The following IFNAR1 variants were observed in gnomAD, a reference collection of about 807,000 sequenced individuals.
IFNAR1 encodes interferon alpha/beta receptor 1.
Under a neutral mutation model 62.1 loss-of-function variants are expected in IFNAR1, and 47 were observed. The ratio of observed to expected loss-of-function variants is 0.76; its 90% CI spans 0.60 to 0.97. The LOEUF is 0.97. IFNAR1 is among the 50% of genes least tolerant of loss of function. The pLI is 0.00. For missense variants in IFNAR1, 638 were observed against 654.5 expected (o/e 0.97, Z 0.27); for synonymous variants, 219 against 226.9 (o/e 0.97, Z 0.31).
At chr21:33,328,142 T>C (rs1341535244) in intron 1 of IFNAR1, among the ~76,000 whole-genome samples, 1 of 152,200 alleles carries the variant, frequency 6.6e-6, no homozygotes, top group African/African-American at 2.4e-5. Context: ...TGTTTGTTTT[T>C]AGCTCATCAG....
Position 33,325,034 on chromosome 21 carries a change from T to G in IFNAR1, c.-22T>G, listed in dbSNP as rs755934388. On this transcript the variant is annotated 5_prime_UTR_variant, in exon 1 of 11. Coordinates refer to ENST00000270139, the MANE Select transcript of IFNAR1 (RefSeq NM_000629.3). ...TGCGCGTGCGCGAACATGTAACTGG[T>G]GGGATCTGCGGCGGCTCCCAGATGA... is the stretch of plus-strand genomic sequence containing the variant. 5.1e-6 allele frequency: 8 copies of G among 1,578,110 alleles called. No homozygotes were observed. Among genetic ancestry groups the G allele is most frequent in the Non-Finnish European group, 6.9e-6 (8 of 1,162,436 alleles).
intron 6 of IFNAR1, among the ~76,000 whole-genome samples, chr21:33,347,550 A>G (rs972091539): frequency 6.6e-6 from 1 of 152,150 alleles, no homozygotes; most frequent in African/African-American, 2.4e-5. Flanking sequence ...TAGAGGCATG[A>G]GCCACCATGC....
intron 1 of IFNAR1, among the ~76,000 whole-genome samples, chr21:33,325,457 G>C (rs1325821488): frequency 2.0e-5 from 3 of 152,162 alleles, no homozygotes; most frequent in African/African-American, 7.2e-5. Flanking sequence ...TGGTCTGTTT[G>C]ATAATAAACA....
At chr21:33,338,539 A>AAAAT in intron 2 of IFNAR1, among the ~76,000 whole-genome samples, 1 of 150,098 alleles carries the variant, frequency 6.7e-6, no homozygotes, top group Non-Finnish European at 1.5e-5. Flanking sequence ...CTCAAAAAAA[A>AAAAT]AAAAAAACCC....
chr21:33,336,120 G>T (rs1261784965), intron 2 of IFNAR1, among the ~76,000 whole-genome samples: 2 of 143,434 alleles, frequency 1.4e-5, no homozygotes, highest in African/African-American at 5.2e-5. Flanking sequence ...TCCCCTTCCT[G>T]TGTCCATGTG....
chr21:33,326,842 C>T (rs2083131380), intron 1 of IFNAR1, among the ~76,000 whole-genome samples: 1 of 151,774 alleles, frequency 6.6e-6, no homozygotes, highest in Non-Finnish European at 1.5e-5. Context: ...AGGGCGTCAC[C>T]AGGCTAATTT....
At position 33,348,003 on chromosome 21, in the gene IFNAR1, C is replaced by T. The variant is rs545917253; in HGVS notation, c.789-1088C>T. Reference sequence around the variant, plus strand: ...GCTCTGGATTTGAGGAAGGTGCATGCGGCGACATGGTATGTGGGAGAGTGG... The same window carrying T: ...GCTCTGGATTTGAGGAAGGTGCATGTGGCGACATGGTATGTGGGAGAGTGG... On this transcript the variant is annotated intron_variant, in intron 6 of 10. Transcript: ENST00000270139. 4.6e-5 allele frequency among the ~76,000 whole-genome samples: 7 copies of T among 152,112 alleles called. 1 individual carries two copies. Among genetic ancestry groups the T allele is most frequent in the African/African-American group, 1.7e-4 (7 of 41,492 alleles).
intron 10 of IFNAR1, among the ~76,000 whole-genome samples, chr21:33,354,433 C>T (rs1224425369): frequency 1.3e-5 from 2 of 152,158 alleles, no homozygotes; most frequent in Non-Finnish European, 2.9e-5. Context: ...TTTGTCAGAA[C>T]GTAATTCCAT....
At position 33,358,053 on chromosome 21, in the gene IFNAR1, A is replaced by G. The variant is rs1261975614; in HGVS notation, c.*2504A>G. 6.6e-6 allele frequency: 1 copy of G among 152,232 alleles called. No homozygotes were observed. Among genetic ancestry groups the G allele is most frequent in the Non-Finnish European group, 1.5e-5 (1 of 68,040 alleles). The allele number at this position is 152,232 out of a possible 1,614,324, so 9.4% of individuals were successfully genotyped here. Reference sequence around the variant, plus strand: ...AGGATGTGGAGAAGGGAAAATACGGACATTAACATTAAAAGACACCAGTGA... The same window carrying G: ...AGGATGTGGAGAAGGGAAAATACGGGCATTAACATTAAAAGACACCAGTGA... On this transcript the variant is annotated 3_prime_UTR_variant, in exon 11 of 11. Coordinates refer to ENST00000270139, the MANE Select transcript of IFNAR1 (RefSeq NM_000629.3).
chr21:33,325,199 G>C, intron 1 of IFNAR1, 68 bp downstream of exon 1: 1 of 1,384,492 alleles, frequency 7.2e-7, no homozygotes, highest in Non-Finnish European at 1.0e-6. Context: ...CTACGGGGGC[G>C]GCGATGCTGT....
chr21:33,354,033 G>A (rs1259759617), intron 10 of IFNAR1, among the ~76,000 whole-genome samples: 1 of 152,188 alleles, frequency 6.6e-6, no homozygotes, highest in Non-Finnish European at 1.5e-5. Context: ...TGTGGCATTT[G>A]TTTTACCGTT....
intron 1 of IFNAR1, among the ~76,000 whole-genome samples, chr21:33,333,579 G>T (rs1412197179): frequency 2.0e-5 from 3 of 149,420 alleles, no homozygotes; most frequent in African/African-American, 7.5e-5. Context: ...AAATGTAAAT[G>T]GATTAAATTC....
At chr21:33,338,090 AAGATAGGAAT>A (rs1324204152) in intron 2 of IFNAR1, among the ~76,000 whole-genome samples, 4 of 152,232 alleles carry the variant, frequency 2.6e-5, no homozygotes, top group African/African-American at 9.6e-5. Flanking sequence ...AGGTAGGCAA[AAGATAGGAAT>A]AGATATTTTT....
At position 33,356,871 on chromosome 21, in the gene IFNAR1, C is replaced by T. The variant is rs2083453521; in HGVS notation, c.*1322C>T. The T allele has an allele frequency of 6.6e-6, 1 of 152,166 alleles. No homozygotes were observed. Among genetic ancestry groups the T allele is most frequent in the Non-Finnish European group, 1.5e-5 (1 of 68,030 alleles). The allele number at this position is 152,166 out of a possible 1,614,324, so 9.4% of individuals were successfully genotyped here. On this transcript the variant is annotated 3_prime_UTR_variant, in exon 11 of 11. Transcript: ENST00000270139. Reference sequence around the variant, plus strand: ...GAGCACCTAATCAGCTCTCAGTGATCAACCCACTCTTGTTATGGGTGGTCT... The same window carrying T: ...GAGCACCTAATCAGCTCTCAGTGATTAACCCACTCTTGTTATGGGTGGTCT...
At position 33,343,385 on chromosome 21, in the gene IFNAR1, A is replaced by G. The variant is rs1308295632; in HGVS notation, c.494A>G (p.Tyr165Cys). The G allele has an allele frequency of 4.3e-6, 7 of 1,613,214 alleles. No homozygotes were observed. The highest frequency in any genetic ancestry group is 2.2e-5 in the East Asian group (1 of 44,848). ...GCTTTGGATGGTTTAAGCTTTACAT[A>G]TAGCTTAGTTATCTGGAAAAACTCT... ...MWALDGLSFT[Y>C]SLVIWKNSSG... The change falls in exon 4 of 11, where the codon TAT becomes TGT. Residue 165 changes from tyrosine (Y) to cysteine (C), a missense_variant. Tyr to Cys is a radical substitution (Grantham distance 194). Coordinates refer to ENST00000270139, the MANE Select transcript of IFNAR1 (RefSeq NM_000629.3).
intron 9 of IFNAR1, 130 bp downstream of exon 9, chr21:33,353,038 A>G: frequency 3.6e-6 from 2 of 549,934 alleles, no homozygotes; most frequent in Middle Eastern, 5.3e-4. Context: ...TGTTTTCTTC[A>G]TGAACTACAT....
At chr21:33,328,723 A>T (rs1311587902) in intron 1 of IFNAR1, among the ~76,000 whole-genome samples, 3 of 152,300 alleles carry the variant, frequency 2.0e-5, no homozygotes, top group Non-Finnish European at 4.4e-5. Flanking sequence ...ATTTGTACAG[A>T]TATCTATATT....
At chr21:33,325,253 T>C in intron 1 of IFNAR1, 122 bp downstream of exon 1, 1 of 861,732 alleles carries the variant, frequency 1.2e-6, no homozygotes, top group East Asian at 2.6e-5. Context: ...CGGTCCACTT[T>C]GCCGCGCCAA....
At position 33,335,981 on chromosome 21, in the gene IFNAR1, G is replaced by C. The variant is rs1365974522; in HGVS notation, c.200+334G>C. ...GTACATGTGCACAATGTGCAGGTTA[G>C]TTACGTATGTATACATGTGCCATGC... On this transcript the variant is annotated intron_variant, in intron 2 of 10. Transcript: ENST00000270139. Among the ~76,000 whole-genome samples, 4 of 144,412 alleles carry C rather than the reference G, an allele frequency of 2.8e-5. No homozygotes were observed. In the Admixed American group the frequency reaches 2.8e-4, roughly 10 times the overall value. 94.7% of individuals were successfully genotyped at this position (144,412 alleles called of 152,430 possible). A position where few individuals can be genotyped will look rare whatever the true frequency, so the allele number is the denominator to read the frequency against.
Sources: gnomAD v4.1 joint callset for allele counts (sites outside exome capture counted in the v4.1 genomes callset) on GRCh38, gnomAD v4.1.1 for gene constraint, MANE v1.5 for transcripts, NCBI Gene and HGNC (gene_info 2026-07-23, HGNC 2026-07-21) for gene names.